Variants in SGIP1 observed in about 807,000 individuals in gnomAD.
The protein encoded by SGIP1 is SH3-containing GRB2-like protein 3-interacting protein 1.
A neutral mutation model predicts 107.5 loss-of-function variants in SGIP1; 38 were observed. The observed-to-expected ratio is 0.35, with a 90% CI of 0.27 to 0.46. SGIP1 has a LOEUF of 0.46. Among genes scored for constraint, SGIP1 ranks in the 20% least tolerant of loss-of-function variants. The probability of loss-of-function intolerance (pLI) is 1.00; values close to 1 mark genes in which losing one functional copy is unlikely to be tolerated. For synonymous variants in SGIP1, 365 were observed against 366.1 expected (o/e 1.00, Z 0.03); for missense variants, 929 against 1,019.5 (o/e 0.91, Z 1.21).
At chr1:66,707,272 C>G (rs1344006200) in intron 18 of SGIP1, among the ~76,000 whole-genome samples, 1 of 152,106 alleles carries the variant, frequency 6.6e-6, no homozygotes, top group Non-Finnish European at 1.5e-5. Flanking sequence ...TGGCCACTAT[C>G]TTCAGTATAA....
rs17129243 is a variant in SGIP1, at chr1:66,642,787, T to A, written c.229-23T>A. 3.3e-3 allele frequency: 5,335 copies of A among 1,594,524 alleles called. 119 individuals carry two copies. In the African/African-American group the frequency reaches 0.053, roughly 16 times the overall value. Reference sequence around the variant, plus strand: ...GATCACTGTTAGGATAATAATTACTTCATGTGCACTTGTGTTTTATAGAAC... The same window carrying A: ...GATCACTGTTAGGATAATAATTACTACATGTGCACTTGTGTTTTATAGAAC... On this transcript the variant is annotated intron_variant, in intron 5 of 24. Coordinates refer to ENST00000371037, the MANE Select transcript of SGIP1 (RefSeq NM_032291.4).
intron 16 of SGIP1, among the ~76,000 whole-genome samples, chr1:66,689,980 G>T (rs1027470750): frequency 2.0e-5 from 3 of 152,192 alleles, no homozygotes; most frequent in Non-Finnish European, 4.4e-5. Context: ...GCTTCGCTAA[G>T]CTCAGCTTTA....
intron 23 of SGIP1, 123 bp downstream of exon 23, chr1:66,740,845 G>T: frequency 1.5e-6 from 1 of 655,318 alleles, no homozygotes; most frequent in Non-Finnish European, 2.6e-6. Flanking sequence ...CCATTTTTGC[G>T]TTTACTTATT....
intron 14 of SGIP1, among the ~76,000 whole-genome samples, chr1:66,680,608 A>G (rs182522881): frequency 6.6e-6 from 1 of 152,356 alleles, no homozygotes; most frequent in East Asian, 1.9e-4. Flanking sequence ...AGAGTCATCC[A>G]GAGCTTCATA....
At chr1:66,566,409 T>C (rs540395996) in intron 1 of SGIP1, among the ~76,000 whole-genome samples, 40 of 152,004 alleles carry the variant, frequency 2.6e-4, no homozygotes, top group Non-Finnish European at 4.6e-4. Context: ...CAAAACCTTT[T>C]ATTTTTTCCA....
At chr1:66,609,538 C>T (rs2067520500) in intron 1 of SGIP1, among the ~76,000 whole-genome samples, 1 of 152,186 alleles carries the variant, frequency 6.6e-6, no homozygotes, top group Admixed American at 6.5e-5. Context: ...AGACCAGGTC[C>T]TAATGCCACA....
intron 19 of SGIP1, among the ~76,000 whole-genome samples, chr1:66,723,695 G>T (rs986465136): frequency 5.9e-5 from 9 of 152,106 alleles, no homozygotes; most frequent in African/African-American, 2.2e-4. Context: ...ATTACATTGT[G>T]CCTGGTATAT....
chr1:66,686,101 G>A (rs1433672777), intron 15 of SGIP1, among the ~76,000 whole-genome samples: 1 of 152,212 alleles, frequency 6.6e-6, no homozygotes, highest in Non-Finnish European at 1.5e-5. Context: ...TGTGGATTAG[G>A]AAACTGTAGT....
At chr1:66,594,590 G>A (rs1205277173) in intron 1 of SGIP1, among the ~76,000 whole-genome samples, 1 of 152,096 alleles carries the variant, frequency 6.6e-6, no homozygotes, top group Non-Finnish European at 1.5e-5. Context: ...GCAGGCTCTG[G>A]GAATGTGGGA....
chr1:66,617,072 T>C (rs1405101874), intron 1 of SGIP1, among the ~76,000 whole-genome samples: 1 of 152,218 alleles, frequency 6.6e-6, no homozygotes, highest in Non-Finnish European at 1.5e-5. Flanking sequence ...TGGATTTCCT[T>C]TAAGTCAAGT....
Position 66,749,958 on chromosome 1 carries a change from A to G in SGIP1, c.*6863A>G, listed in dbSNP as rs1455546259. Among the ~76,000 whole-genome samples, 1 of 151,914 alleles carries G rather than the reference A, an allele frequency of 6.6e-6. No homozygotes were observed. Among genetic ancestry groups the G allele is most frequent in the African/African-American group, 2.4e-5 (1 of 41,366 alleles). ...ATTTAGTTCTTGCTTTGTTAAATGG[A>G]CATACATGAAAGAGATTGGCTCCTA... On this transcript the variant is annotated 3_prime_UTR_variant, in exon 25 of 25. Coordinates refer to ENST00000371037, the MANE Select transcript of SGIP1 (RefSeq NM_032291.4).
At chr1:66,581,067 C>T (rs1327904190) in intron 1 of SGIP1, among the ~76,000 whole-genome samples, 1 of 152,004 alleles carries the variant, frequency 6.6e-6, no homozygotes, top group Non-Finnish European at 1.5e-5. Context: ...AACATTTTCT[C>T]GTCACAATTA....
At chr1:66,610,644 C>T (rs918739293) in intron 1 of SGIP1, among the ~76,000 whole-genome samples, 2 of 151,634 alleles carry the variant, frequency 1.3e-5, no homozygotes, top group Non-Finnish European at 2.9e-5. Context: ...GAGAAGGAAA[C>T]AAAACACTTT....
At chr1:66,682,487 T>C (rs1428371635) in intron 15 of SGIP1, 118 bp downstream of exon 15, 2 of 1,249,018 alleles carry the variant, frequency 1.6e-6, no homozygotes, top group African/African-American at 1.5e-5. Context: ...CTCACTCCTC[T>C]AGTCTGGGTG....
chr1:66,671,909 A>G (rs1557558661), intron 10 of SGIP1, 35 bp from the exon 11 acceptor site: 1 of 1,609,080 alleles, frequency 6.2e-7, no homozygotes, highest in East Asian at 2.2e-5. Context: ...AATGGTAAAA[A>G]TTTGTCTAAA....
At chr1:66,729,456 T>C in intron 20 of SGIP1, 37 bp downstream of exon 20, 1 of 1,613,168 alleles carries the variant, frequency 6.2e-7, no homozygotes. Flanking sequence ...CAGAGATACA[T>C]GTGGCTTAGT....
intron 17 of SGIP1, 192 bp from the exon 18 acceptor site, chr1:66,695,242 C>T (rs1196991356): frequency 7.0e-5 from 70 of 1,002,760 alleles, no homozygotes; most frequent in Non-Finnish European, 8.8e-5. Flanking sequence ...CTTTTGCTTT[C>T]TGTTTCCTGA....
chr1:66,643,807 C>G, intron 7 of SGIP1, 88 bp downstream of exon 7: 1 of 1,236,690 alleles, frequency 8.1e-7, no homozygotes, highest in South Asian at 2.0e-5. Context: ...TCAGAAACTC[C>G]TTAAATTGAA....
chr1:66,558,369 G>T (rs1472021866), intron 1 of SGIP1, among the ~76,000 whole-genome samples: 1 of 151,818 alleles, frequency 6.6e-6, no homozygotes, highest in African/African-American at 2.4e-5. Context: ...TTTGCACCAA[G>T]CTCCACAGAT....
Sources: gnomAD v4.1 joint callset for allele counts (sites outside exome capture counted in the v4.1 genomes callset) on GRCh38, gnomAD v4.1.1 for gene constraint, MANE v1.5 for transcripts, NCBI Gene and HGNC (gene_info 2026-07-23, HGNC 2026-07-21) for gene names.